MAN2A1: variants seen among roughly 807,000 people sequenced by gnomAD.
MAN2A1 encodes the protein alpha-mannosidase 2.
MAN2A1 carries 76 observed loss-of-function variants against 142.6 expected under a neutral mutation model. The ratio of observed to expected loss-of-function variants is 0.53; its 90% CI spans 0.44 to 0.65. MAN2A1 has a LOEUF of 0.65. Among genes scored for constraint, MAN2A1 ranks in the 30% least tolerant of loss-of-function variants. MAN2A1 has a pLI of 0.00. For missense variants in MAN2A1, 1,311 were observed against 1,365.1 expected (o/e 0.96, Z 0.62); for synonymous variants, 559 against 473.2 (o/e 1.18, Z -2.35).
chr5:109,708,509 G>GACAGACACACACACACACACACACACAC (rs1751203281), intron 1 of MAN2A1, among the ~76,000 whole-genome samples: 5 of 124,542 alleles, frequency 4.0e-5, no homozygotes, highest in African/African-American at 1.3e-4. Flanking sequence ...GAACTGATAG[G>GACAGACACACACACACACACACACACAC]ACACACACAC....
intron 4 of MAN2A1, among the ~76,000 whole-genome samples, chr5:109,751,375 A>C (rs1200506235): frequency 1.3e-5 from 2 of 152,014 alleles, no homozygotes; most frequent in South Asian, 2.1e-4. Context: ...TTATATATAT[A>C]CCACATTTTC....
rs1005433455 is a variant in MAN2A1, at chr5:109,729,232, G to A, written c.536-110G>A. 106 of 615,378 alleles carry A rather than the reference G, an allele frequency of 1.7e-4. 1 individual carries two copies. The African/African-American group carries it at 2.0e-3, about 12-fold the overall frequency. 38.1% of individuals were successfully genotyped at this position (615,378 alleles called of 1,614,324 possible). On this transcript the variant is annotated intron_variant, in intron 3 of 21. Transcript: ENST00000261483. ...AAACACCTGTTAAATTTAAAAATATGTCTATGAATGAAAATTCTAACGATG... is the reference window on the plus strand; with the variant it reads ...AAACACCTGTTAAATTTAAAAATATATCTATGAATGAAAATTCTAACGATG...
intron 12 of MAN2A1, among the ~76,000 whole-genome samples, chr5:109,792,843 A>G (rs565184365): frequency 1.3e-5 from 2 of 152,168 alleles, no homozygotes; most frequent in East Asian, 3.9e-4. Context: ...TGGCCTCTCC[A>G]TATGACTTGG....
chr5:109,828,265 AG>A (rs2112737647), intron 16 of MAN2A1, among the ~76,000 whole-genome samples: 1 of 152,198 alleles, frequency 6.6e-6, no homozygotes, highest in Admixed American at 6.5e-5. Context: ...AAGTTGAGGG[AG>A]GTGGGAATTA....
intron 4 of MAN2A1, among the ~76,000 whole-genome samples, chr5:109,745,486 T>C (rs1220915981): frequency 1.3e-5 from 2 of 152,190 alleles, no homozygotes; most frequent in Non-Finnish European, 2.9e-5. Flanking sequence ...TTTTTCAACT[T>C]ATTTTGAATG....
At chr5:109,843,340 C>T (rs1166177532) in intron 17 of MAN2A1, among the ~76,000 whole-genome samples, 1 of 152,068 alleles carries the variant, frequency 6.6e-6, no homozygotes, top group Non-Finnish European at 1.5e-5. Flanking sequence ...GTGAGATCTC[C>T]CTCACTGTCA....
At chr5:109,694,461 A>T (rs1443544159) in intron 1 of MAN2A1, among the ~76,000 whole-genome samples, 1 of 151,674 alleles carries the variant, frequency 6.6e-6, no homozygotes, top group African/African-American at 2.4e-5. Flanking sequence ...CTCCCACCTC[A>T]GCCTTCTGAG....
chr5:109,856,888 CT>C (rs1250484220), intron 20 of MAN2A1, among the ~76,000 whole-genome samples: 2 of 152,100 alleles, frequency 1.3e-5, no homozygotes, highest in African/African-American at 4.8e-5. Flanking sequence ...ACAAATGCCC[CT>C]GCCCTTCTAG....
chr5:109,764,719 A>T (rs1582874172), intron 5 of MAN2A1, among the ~76,000 whole-genome samples: 1 of 152,196 alleles, frequency 6.6e-6, no homozygotes, highest in Non-Finnish European at 1.5e-5. Flanking sequence ...CAGTGATGTT[A>T]TAATTGTTAA....
chr5:109,710,775 C>T (rs1339301057), intron 1 of MAN2A1, among the ~76,000 whole-genome samples: 1 of 152,120 alleles, frequency 6.6e-6, no homozygotes, highest in Non-Finnish European at 1.5e-5. Flanking sequence ...ACCACAACCT[C>T]CGCCTCCCGG....
chr5:109,867,047 T>C lies in MAN2A1; in HGVS notation c.*49T>C, dbSNP rs768854157. ...AGAATCATTGGCTTTTATACCTTTC[T>C]TGGTTTGACGTGCAATAAAGAAGCA... is the stretch of plus-strand genomic sequence containing the variant. On this transcript the variant is annotated 3_prime_UTR_variant, in exon 22 of 22. Transcript: ENST00000261483. The C allele has an allele frequency of 1.3e-6, 2 of 1,524,260 alleles. No individual in the cohort carries two copies. The highest frequency in any genetic ancestry group is 1.8e-6 in the Non-Finnish European group (2 of 1,121,532). The allele number at this position is 1,524,260 out of a possible 1,614,324, so 94.4% of individuals were successfully genotyped here. A position where few individuals can be genotyped will look rare whatever the true frequency, so the allele number is the denominator to read the frequency against.
chr5:109,818,055 A>T (rs1466276274), intron 13 of MAN2A1, among the ~76,000 whole-genome samples: 1 of 152,178 alleles, frequency 6.6e-6, no homozygotes, highest in East Asian at 1.9e-4. Context: ...TGTCATTTAA[A>T]CGGCATTTCT....
intron 3 of MAN2A1, among the ~76,000 whole-genome samples, chr5:109,728,910 A>G (rs1751821744): frequency 6.6e-6 from 1 of 152,160 alleles, no homozygotes; most frequent in Non-Finnish European, 1.5e-5. Flanking sequence ...TAATGGGTGA[A>G]GAATTTTAGA....
chr5:109,719,982 A>G (rs1751556969), intron 3 of MAN2A1, among the ~76,000 whole-genome samples: 1 of 152,178 alleles, frequency 6.6e-6, no homozygotes, highest in African/African-American at 2.4e-5. Flanking sequence ...AAAGTTTTGA[A>G]TCATAGACCA....
chr5:109,696,742 G>A (rs1450641681), intron 1 of MAN2A1, among the ~76,000 whole-genome samples: 1 of 152,186 alleles, frequency 6.6e-6, no homozygotes, highest in Non-Finnish European at 1.5e-5. Context: ...AACTGTGTTG[G>A]CTGTGGCCTC....
At chr5:109,741,236 C>G (rs1002721306) in intron 4 of MAN2A1, among the ~76,000 whole-genome samples, 1 of 152,118 alleles carries the variant, frequency 6.6e-6, no homozygotes, top group African/African-American at 2.4e-5. Context: ...AATTCTGTTT[C>G]TGGTCAAGAT....
At chr5:109,738,128 C>T (rs932304115) in intron 4 of MAN2A1, among the ~76,000 whole-genome samples, 2 of 152,100 alleles carry the variant, frequency 1.3e-5, no homozygotes, top group South Asian at 2.1e-4. Context: ...AATCAATCAC[C>T]TGGGAACTCA....
At chr5:109,782,959 A>G (rs1308004147) in intron 9 of MAN2A1, among the ~76,000 whole-genome samples, 13 of 152,180 alleles carry the variant, frequency 8.5e-5, no homozygotes, top group South Asian at 8.3e-4. Context: ...GTAATGGAAT[A>G]TATCTTATTA....
chr5:109,756,051 C>T (rs1448060320), intron 5 of MAN2A1, among the ~76,000 whole-genome samples: 1 of 151,798 alleles, frequency 6.6e-6, no homozygotes, highest in Non-Finnish European at 1.5e-5. Flanking sequence ...TATGTCTGAG[C>T]CAGTTACTGT....
Sources: gnomAD v4.1 joint callset for allele counts (sites outside exome capture counted in the v4.1 genomes callset) on GRCh38, gnomAD v4.1.1 for gene constraint, MANE v1.5 for transcripts, NCBI Gene and HGNC (gene_info 2026-07-23, HGNC 2026-07-21) for gene names.